Variants in COG6 observed in about 807,000 individuals in gnomAD.
COG6 encodes conserved oligomeric Golgi complex subunit 6.
A neutral mutation model predicts 88.8 loss-of-function variants in COG6; 74 were observed. That is an observed-to-expected ratio of 0.83 (90% CI 0.69 to 1.01). The LOEUF is 1.01. Among genes scored for constraint, COG6 ranks in the 50% least tolerant of loss-of-function variants. The probability of loss-of-function intolerance (pLI) is 0.00; values close to 1 mark genes in which losing one functional copy is unlikely to be tolerated. For missense variants in COG6, 800 were observed against 797.9 expected, an observed-to-expected ratio of 1.00 and a Z score of -0.03; for synonymous variants, 286 against 278.7, an observed-to-expected ratio of 1.03 and a Z score of -0.26.
At chr13:39,665,709 T>C (rs1360147880) in intron 4 of COG6, among the ~76,000 whole-genome samples, 1 of 152,222 alleles carries the variant, frequency 6.6e-6, no homozygotes, top group Admixed American at 6.5e-5. Flanking sequence ...GCATCTCTCA[T>C]GTGTGGAGTA....
intron 10 of COG6, 43 bp from the exon 11 acceptor site, chr13:39,689,717 A>G (rs1316871736): frequency 5.2e-5 from 73 of 1,391,942 alleles, no homozygotes; most frequent in Non-Finnish European, 6.9e-5. Flanking sequence ...GAAGCAAAGT[A>G]TAATATGGAA....
At chr13:39,731,718 A>G (rs1284228984) in intron 18 of COG6, among the ~76,000 whole-genome samples, 1 of 152,194 alleles carries the variant, frequency 6.6e-6, no homozygotes, top group Non-Finnish European at 1.5e-5. Flanking sequence ...ATAATGGAGT[A>G]ATTTTTTTGA....
rs573567020 is a variant in COG6, at chr13:39,735,796, A to G, written c.1826+8248A>G. Among the ~76,000 whole-genome samples the G allele has an allele frequency of 4.0e-5, 6 of 150,782 alleles. No individual in the cohort carries two copies. In the South Asian group the frequency reaches 1.3e-3, roughly 32 times the overall value. On this transcript the variant is annotated intron_variant, in intron 18 of 18. Coordinates refer to ENST00000455146, the MANE Select transcript of COG6 (RefSeq NM_020751.3). ...TCACTGGATATGGTATTCTAGGATA[A>G]AAGTTTTTTTTTCCTTCAGCACTTT...
intron 3 of COG6, 48 bp downstream of exon 3, chr13:39,660,929 C>T (rs1411538962): frequency 9.1e-7 from 1 of 1,103,884 alleles, no homozygotes; most frequent in South Asian, 1.2e-5. Context: ...TATAAACTTA[C>T]AAAAATTATT....
intron 4 of COG6, among the ~76,000 whole-genome samples, chr13:39,674,672 A>G (rs1161952882): frequency 6.6e-6 from 1 of 152,194 alleles, no homozygotes; most frequent in African/African-American, 2.4e-5. Context: ...AATTTCAGAA[A>G]TAAGCAATTT....
At chr13:39,701,732 G>A (rs1877590992) in intron 13 of COG6, among the ~76,000 whole-genome samples, 1 of 151,926 alleles carries the variant, frequency 6.6e-6, no homozygotes, top group African/African-American at 2.4e-5. Context: ...GGTGGAGATA[G>A]GAGCCAGGTT....
chr13:39,758,645 G>A (rs1277503827), intron 18 of COG6, among the ~76,000 whole-genome samples: 4 of 152,152 alleles, frequency 2.6e-5, no homozygotes, highest in Non-Finnish European at 5.9e-5. Flanking sequence ...GGGATATAAA[G>A]TGGTACAGCT....
chr13:39,709,160 G>A (rs1403924327), intron 13 of COG6, among the ~76,000 whole-genome samples: 3 of 152,116 alleles, frequency 2.0e-5, no homozygotes, highest in Admixed American at 6.6e-5. Context: ...CACAGTCAAC[G>A]TAGATTAACC....
chr13:39,753,685 C>A (rs1488508524), downstream of COG6, among the ~76,000 whole-genome samples: 1 of 152,024 alleles, frequency 6.6e-6, no homozygotes, highest in African/African-American at 2.4e-5. Flanking sequence ...CTCTGGCTCG[C>A]ATCTCTCATC....
chr13:39,790,199 G>A (rs574265253), exon 19 of COG6: 22 of 152,250 alleles, frequency 1.4e-4, no homozygotes, highest in African/African-American at 3.4e-4. Flanking sequence ...CTTTATTTGC[G>A]AGTGGTACAA....
intron 13 of COG6, among the ~76,000 whole-genome samples, chr13:39,700,688 C>T (rs368104295): frequency 1.3e-5 from 2 of 152,012 alleles, no homozygotes; most frequent in East Asian, 1.9e-4. Flanking sequence ...CTGTTGGCCT[C>T]ATTAAGGTTG....
chr13:39,769,391 A>G (rs1366025127), intron 18 of COG6, among the ~76,000 whole-genome samples: 1 of 152,238 alleles, frequency 6.6e-6, no homozygotes, highest in Non-Finnish European at 1.5e-5. Flanking sequence ...TGTGATATTA[A>G]GAGTACATTT....
At chr13:39,683,783 T>C (rs550364679) in intron 8 of COG6, among the ~76,000 whole-genome samples, 1 of 152,248 alleles carries the variant, frequency 6.6e-6, no homozygotes, top group Admixed American at 6.5e-5. Context: ...TGGGCACCTT[T>C]GTTTGTTTTC....
At chr13:39,718,191 C>T (rs1033561881) in intron 13 of COG6, among the ~76,000 whole-genome samples, 7 of 151,794 alleles carry the variant, frequency 4.6e-5, no homozygotes, top group African/African-American at 1.7e-4. Context: ...TTTTTTTGTT[C>T]TTGTTGTTTT....
intron 14 of COG6, 72 bp downstream of exon 14, chr13:39,719,439 T>A (rs959906046): frequency 6.8e-7 from 1 of 1,463,816 alleles, no homozygotes; most frequent in African/African-American, 1.6e-5. Flanking sequence ...ATTCTGGAAT[T>A]TTGTAATTCA....
chr13:39,734,356 C>T (rs1331466258), intron 18 of COG6, among the ~76,000 whole-genome samples: 1 of 151,898 alleles, frequency 6.6e-6, no homozygotes, highest in Non-Finnish European at 1.5e-5. Context: ...CTTCATTAGC[C>T]CACTGGTTAT....
exon 19 of COG6, chr13:39,790,646 T>G (rs1329040608): frequency 1.3e-5 from 2 of 152,134 alleles, no homozygotes; most frequent in African/African-American, 4.8e-5. Context: ...GTTTGTATTT[T>G]TGTTGGGAGT....
At chr13:39,754,509 T>C (rs1880769086), downstream of COG6, among the ~76,000 whole-genome samples, 1 of 152,222 alleles carries the variant, frequency 6.6e-6, no homozygotes, top group African/African-American at 2.4e-5. Context: ...TTTATTCTTA[T>C]GCTAGGTTGT....
At chr13:39,732,305 C>T (rs999465599) in intron 18 of COG6, among the ~76,000 whole-genome samples, 2 of 152,230 alleles carry the variant, frequency 1.3e-5, no homozygotes. Context: ...TAACTGCCTT[C>T]CGGAACAAAA....
Sources: allele counts gnomAD v4.1 joint callset (sites outside exome capture counted in the v4.1 genomes callset), GRCh38; gene constraint gnomAD v4.1.1; transcripts MANE v1.5; gene names NCBI Gene and HGNC (gene_info 2026-07-23, HGNC 2026-07-21).